PDE5A: variants seen among roughly 807,000 people sequenced by gnomAD.
PDE5A encodes the protein phosphodiesterase 5A, also known as cGMP-specific 3',5'-cyclic phosphodiesterase.
A neutral mutation model predicts 110.2 loss-of-function variants in PDE5A; 67 were observed. The observed-to-expected ratio is 0.61, with a 90% CI of 0.50 to 0.75. The LOEUF is 0.75. Ranked by LOEUF, PDE5A falls within the 30% of genes least tolerant of loss-of-function variation. PDE5A has a pLI of 0.00. For missense variants in PDE5A, 862 were observed against 1,045.1 expected (o/e 0.82, Z 2.42); for synonymous variants, 328 against 351.2 (o/e 0.93, Z 0.74).
At chr4:119,531,538 A>G (rs1726542182) in intron 11 of PDE5A, among the ~76,000 whole-genome samples, 1 of 152,132 alleles carries the variant, frequency 6.6e-6, no homozygotes, top group Non-Finnish European at 1.5e-5. Flanking sequence ...TGGCCTCCCA[A>G]AGTGTTGAGA....
intron 3 of PDE5A, among the ~76,000 whole-genome samples, chr4:119,578,758 C>T (rs373952860): frequency 0.042 from 6,319 of 152,098 alleles, 179 homozygotes; most frequent in Middle Eastern, 0.085. Flanking sequence ...TAGGCAATAC[C>T]ATTCAGGACA....
intron 12 of PDE5A, among the ~76,000 whole-genome samples, chr4:119,524,537 A>G (rs1726241132): frequency 6.6e-6 from 1 of 152,162 alleles, no homozygotes; most frequent in Non-Finnish European, 1.5e-5. Context: ...GCCTCCAATA[A>G]TACCATAAAT....
chr4:119,607,381 T>A, intron 1 of PDE5A, 84 bp from the exon 2 acceptor site: 1 of 722,026 alleles, frequency 1.4e-6, no homozygotes, highest in South Asian at 1.8e-5. Context: ...CTTCTCATGG[T>A]AAACTGATGA....
At chr4:119,593,627 G>C (rs946923743) in intron 3 of PDE5A, among the ~76,000 whole-genome samples, 1 of 152,328 alleles carries the variant, frequency 6.6e-6, no homozygotes, top group Admixed American at 6.5e-5. Context: ...AACATTTGAA[G>C]TGACAGAAAT....
At chr4:119,622,864 G>GAAAAA (rs369291602) in intron 1 of PDE5A, among the ~76,000 whole-genome samples, 49 of 97,012 alleles carry the variant, frequency 5.1e-4, no homozygotes, top group East Asian at 5.4e-4. Flanking sequence ...ACTCCGTCTC[G>GAAAAA]AAAAAAAAAA....
Position 119,565,418 on chromosome 4 carries a change from AC to A in PDE5A, c.904-9del. ...CAAATAAGCAGCAAAGTCCTAAAAAACAGATAATAGACAAATAAAAACGGTA... is the reference window on the plus strand; with the variant it reads ...CAAATAAGCAGCAAAGTCCTAAAAAAAGATAATAGACAAATAAAAACGGTA... On this transcript the variant is annotated splice_polypyrimidine_tract_variant and intron_variant, in intron 4 of 20. Coordinates refer to ENST00000354960, the MANE Select transcript of PDE5A (RefSeq NM_001083.4). 6.3e-7 allele frequency: 1 copy of A among 1,590,386 alleles called. No individual in the cohort carries two copies.
chr4:119,562,844 C>T lies in PDE5A; in HGVS notation c.1120G>A (p.Glu374Lys). The T allele has an allele frequency of 6.4e-7, 1 of 1,573,658 alleles. No homozygotes were observed. Reference protein sequence around the residue: ...VQKCTIFIVDEDCSDSFSSVF... With the variant: ...VQKCTIFIVDKDCSDSFSSVF... ...TACTCTGTACTCACGGAGCAATCTT[C>T]ATCCACTATGAAAATGGTGCATTTC... is the stretch of plus-strand genomic sequence containing the variant. The change falls in exon 6 of 21, where the codon GAA becomes AAA. Residue 374 changes from glutamate (E) to lysine (K), a missense_variant. By Grantham distance (56) the Glu-to-Lys change is moderately conservative. Coordinates refer to ENST00000354960, the MANE Select transcript of PDE5A (RefSeq NM_001083.4).
At chr4:119,523,319 C>T (rs1726196727) in intron 12 of PDE5A, among the ~76,000 whole-genome samples, 1 of 151,950 alleles carries the variant, frequency 6.6e-6, no homozygotes, top group African/African-American at 2.4e-5. Context: ...TGGTTACAGT[C>T]ATTATAGGAG....
In PDE5A at chr4:119,542,567, G is replaced by A. The variant is rs768825245; in HGVS notation, c.1464C>T (p.Asp488=). Residue 488 remains aspartate (D), a synonymous_variant, in exon 10 of 21, where the codon GAC becomes GAT. Transcript: ENST00000354960. ...TGKVKPFNRN[D]EQFLEAFVIF... is the part of the protein sequence containing the mutation. Reference sequence around the variant, plus strand: ...TGACAAAAGCTTCCAGAAACTGTTCGTCATTTCGGTTGAAAGGCTTAACCT... The same window carrying A: ...TGACAAAAGCTTCCAGAAACTGTTCATCATTTCGGTTGAAAGGCTTAACCT... 1.2e-5 allele frequency: 19 copies of A among 1,613,932 alleles called. No homozygotes were observed. Among genetic ancestry groups the A allele is most frequent in the Non-Finnish European group, 1.6e-5 (19 of 1,179,920 alleles).
intron 17 of PDE5A, among the ~76,000 whole-genome samples, chr4:119,505,132 T>C (rs546653908): frequency 3.8e-4 from 58 of 152,136 alleles, no homozygotes; most frequent in African/African-American, 1.3e-3. Context: ...TGTTGAATTA[T>C]AGTTAGGAAA....
At chr4:119,596,715 T>C in intron 2 of PDE5A, 103 bp from the exon 3 acceptor site, 1 of 549,332 alleles carries the variant, frequency 1.8e-6, no homozygotes, top group South Asian at 3.7e-5. Context: ...GGACTTACCT[T>C]GTTACTCTGA....
chr4:119,561,962 A>T (rs910723591), intron 6 of PDE5A, among the ~76,000 whole-genome samples: 4 of 152,228 alleles, frequency 2.6e-5, no homozygotes, highest in Non-Finnish European at 4.4e-5. Context: ...ATAACTTCGG[A>T]TATCATATGT....
intron 16 of PDE5A, among the ~76,000 whole-genome samples, chr4:119,506,904 C>T (rs1283554689): frequency 1.3e-5 from 2 of 151,712 alleles, no homozygotes; most frequent in African/African-American, 4.8e-5. Flanking sequence ...ATGTGAATTC[C>T]TTACAGAGGG....
intron 3 of PDE5A, among the ~76,000 whole-genome samples, chr4:119,594,288 G>A (rs1475363758): frequency 2.0e-5 from 3 of 152,174 alleles, no homozygotes; most frequent in Non-Finnish European, 4.4e-5. Context: ...AATCCTGACT[G>A]TTGGAGAAAT....
chr4:119,506,086 C>T (rs928650538), intron 16 of PDE5A, among the ~76,000 whole-genome samples, 154 bp from the exon 17 acceptor site: 13 of 151,806 alleles, frequency 8.6e-5, no homozygotes, highest in African/African-American at 2.9e-4. Flanking sequence ...ATTTACAAAT[C>T]TTTAATACCT....
chr4:119,528,960 G>A (rs1726427233), intron 11 of PDE5A, among the ~76,000 whole-genome samples: 1 of 152,102 alleles, frequency 6.6e-6, no homozygotes, highest in South Asian at 2.1e-4. Flanking sequence ...TTCCTCACAG[G>A]TAGGAGGAGG....
At chr4:119,500,442 G>A (rs1725263065) in intron 20 of PDE5A, among the ~76,000 whole-genome samples, 1 of 151,746 alleles carries the variant, frequency 6.6e-6, no homozygotes, top group African/African-American at 2.4e-5. Context: ...TGTCTCGTTG[G>A]GAGATGAACT....
intron 3 of PDE5A, among the ~76,000 whole-genome samples, chr4:119,580,178 C>T (rs555351555): frequency 1.1e-4 from 16 of 152,094 alleles, no homozygotes; most frequent in Non-Finnish European, 2.2e-4. Context: ...TGTTTATCCT[C>T]ATCCCTTTGA....
At chr4:119,596,385 T>C in intron 3 of PDE5A, 138 bp downstream of exon 3, 1 of 454,896 alleles carries the variant, frequency 2.2e-6, no homozygotes, top group East Asian at 3.5e-5. Context: ...AGAAAAAAAA[T>C]CAAGCAGAAC....
Sources: gnomAD v4.1 joint callset for allele counts (sites outside exome capture counted in the v4.1 genomes callset) on GRCh38, gnomAD v4.1.1 for gene constraint, MANE v1.5 for transcripts, NCBI Gene and HGNC (gene_info 2026-07-23, HGNC 2026-07-21) for gene names.